The following SPOCK3 variants were observed in gnomAD, a reference collection of about 807,000 sequenced individuals.
The protein encoded by SPOCK3 is testican-3.
Under a neutral mutation model 56.6 loss-of-function variants are expected in SPOCK3, and 30 were observed. The observed-to-expected ratio is 0.53, with a 90% CI of 0.40 to 0.72. The LOEUF is 0.72. SPOCK3 is among the 30% of genes least tolerant of loss of function. The probability of loss-of-function intolerance (pLI) is 0.00; values close to 1 mark genes in which losing one functional copy is unlikely to be tolerated. For synonymous variants in SPOCK3, 196 were observed against 183.3 expected (o/e 1.07, Z -0.56); for missense variants, 527 against 530.0 (o/e 0.99, Z 0.06).
intron 2 of SPOCK3, among the ~76,000 whole-genome samples, chr4:167,095,786 T>C (rs1199293574): frequency 6.6e-6 from 1 of 151,644 alleles, no homozygotes; most frequent in Non-Finnish European, 1.5e-5. Flanking sequence ...TATATATATG[T>C]GCACTTATGT....
intron 4 of SPOCK3, among the ~76,000 whole-genome samples, chr4:166,926,459 A>G (rs1739111009): frequency 6.6e-6 from 1 of 152,104 alleles, no homozygotes; most frequent in Non-Finnish European, 1.5e-5. Context: ...AGGCTATGCT[A>G]TTCAGATCCC....
intron 6 of SPOCK3, among the ~76,000 whole-genome samples, chr4:166,834,157 T>G (rs1288310978): frequency 6.6e-6 from 1 of 152,186 alleles, no homozygotes; most frequent in East Asian, 1.9e-4. Flanking sequence ...CTGTCTCAGA[T>G]ATTTCTCTTG....
At chr4:166,940,264 G>A (rs750983900) in intron 4 of SPOCK3, among the ~76,000 whole-genome samples, 3 of 152,166 alleles carry the variant, frequency 2.0e-5, no homozygotes, top group Non-Finnish European at 4.4e-5. Flanking sequence ...TTTTGAGTAT[G>A]AGCCTAGATT....
At position 166,735,066 on chromosome 4, in the gene SPOCK3, T is replaced by A. The variant is rs756932433; in HGVS notation, c.1157A>T (p.Asp386Val). The A allele has an allele frequency of 6.2e-7, 1 of 1,604,712 alleles. No individual in the cohort carries two copies. The highest frequency in any genetic ancestry group is 1.7e-5 in the Admixed American group (1 of 59,206). The change falls in exon 11 of 11, where the codon GAT becomes GTT. Residue 386 changes from aspartate to valine, a missense_variant. Transcript: ENST00000357545. ...DCAIDFEISG[D>V]FASGDFHEWT... The stretch of plus-strand genomic sequence containing the variant: ...TTCATGAAAATCGCCACTAGCAAAA[T>A]CTCCGGAGATCTCAAAATCTATAGC...
At chr4:167,017,705 C>A (rs1188677555) in intron 3 of SPOCK3, among the ~76,000 whole-genome samples, 2 of 151,896 alleles carry the variant, frequency 1.3e-5, no homozygotes, top group African/African-American at 4.8e-5. Flanking sequence ...CCATCCTGAC[C>A]GTTTGTATAT....
At chr4:167,058,391 C>T (rs1236032055) in intron 3 of SPOCK3, among the ~76,000 whole-genome samples, 2 of 152,086 alleles carry the variant, frequency 1.3e-5, no homozygotes. Context: ...TAGTGAACTC[C>T]CATTCATAAG....
chr4:166,800,722 A>G (rs938584004), intron 6 of SPOCK3, among the ~76,000 whole-genome samples: 25 of 152,188 alleles, frequency 1.6e-4, no homozygotes, highest in Non-Finnish European at 2.6e-4. Flanking sequence ...AAAAAAATTA[A>G]AAGTTTATAA....
chr4:166,878,509 T>C (rs9993172), intron 6 of SPOCK3, among the ~76,000 whole-genome samples: 30 of 150,900 alleles, frequency 2.0e-4, no homozygotes, highest in Non-Finnish European at 2.2e-4. Flanking sequence ...ATGTATATTT[T>C]AAATGTATAA....
chr4:167,183,129 AC>A (rs1687084546), intron 2 of SPOCK3, among the ~76,000 whole-genome samples: 1 of 151,924 alleles, frequency 6.6e-6, no homozygotes, highest in Non-Finnish European at 1.5e-5. Context: ...GAACAGAGCA[AC>A]TCCAACTAAC....
intron 2 of SPOCK3, among the ~76,000 whole-genome samples, chr4:167,175,445 G>C (rs1258725121): frequency 6.6e-6 from 1 of 152,138 alleles, no homozygotes; most frequent in African/African-American, 2.4e-5. Context: ...ACAAAACAAT[G>C]ATTATGGATT....
chr4:166,872,030 A>G (rs938839023), intron 6 of SPOCK3, among the ~76,000 whole-genome samples: 2 of 105,398 alleles, frequency 1.9e-5, no homozygotes, highest in African/African-American at 6.1e-5. Context: ...AATAAAGGGC[A>G]CACACACACA....
intron 6 of SPOCK3, among the ~76,000 whole-genome samples, chr4:166,836,950 C>G (rs954479627): frequency 6.6e-6 from 1 of 152,160 alleles, no homozygotes; most frequent in Non-Finnish European, 1.5e-5. Flanking sequence ...TGCTACTTGG[C>G]TATCAATTCC....
chr4:166,977,674 A>C (rs1746109101), intron 4 of SPOCK3, among the ~76,000 whole-genome samples: 1 of 152,144 alleles, frequency 6.6e-6, no homozygotes, highest in African/African-American at 2.4e-5. Context: ...GTATCAGATA[A>C]GTCAGAATGA....
intron 4 of SPOCK3, among the ~76,000 whole-genome samples, chr4:166,943,286 TC>T (rs201232045): frequency 6.6e-6 from 1 of 152,228 alleles, no homozygotes; most frequent in Admixed American, 6.5e-5. Flanking sequence ...AACATTGATT[TC>T]CGGCCACTCA....
Position 167,157,921 on chromosome 4 carries a change from T to G in SPOCK3, c.189+76064A>C, listed in dbSNP as rs554015646. 2.0e-5 allele frequency among the ~76,000 whole-genome samples: 3 copies of G among 152,158 alleles called. No homozygotes were observed. In the South Asian group the frequency reaches 6.2e-4, roughly 31 times the overall value. The stretch of plus-strand genomic sequence containing the variant: ...AATAGGGTTTGCAACGAGCCCTATA[T>G]GCAAGTCATTGTGGATTTTTGTTTT... On this transcript the variant is annotated intron_variant, in intron 2 of 10. Coordinates refer to ENST00000357545, the MANE Select transcript of SPOCK3 (RefSeq NM_001040159.2).
At chr4:166,895,870 A>G (rs1735325830) in intron 5 of SPOCK3, among the ~76,000 whole-genome samples, 1 of 152,162 alleles carries the variant, frequency 6.6e-6, no homozygotes, top group Non-Finnish European at 1.5e-5. Context: ...CACATAAAAC[A>G]TAGTGTTTCC....
chr4:166,767,616 G>T (rs1738280098), intron 7 of SPOCK3, among the ~76,000 whole-genome samples: 1 of 152,156 alleles, frequency 6.6e-6, no homozygotes, highest in African/African-American at 2.4e-5. Context: ...CAACTAAGTG[G>T]TGAATTTTGG....
intron 2 of SPOCK3, among the ~76,000 whole-genome samples, chr4:167,147,440 C>T (rs1764057467): frequency 6.6e-6 from 1 of 152,082 alleles, no homozygotes; most frequent in Non-Finnish European, 1.5e-5. Context: ...TACCATTTGA[C>T]CCAGCAATCC....
At chr4:167,116,961 C>G (rs1761481503) in intron 2 of SPOCK3, among the ~76,000 whole-genome samples, 1 of 133,004 alleles carries the variant, frequency 7.5e-6, no homozygotes, top group Non-Finnish European at 1.6e-5. Context: ...ATATATATAT[C>G]CCACCATAGA....
Sources: allele counts gnomAD v4.1 joint callset (sites outside exome capture counted in the v4.1 genomes callset), GRCh38; gene constraint gnomAD v4.1.1; transcripts MANE v1.5; gene names NCBI Gene and HGNC (gene_info 2026-07-23, HGNC 2026-07-21).